LMX1A: variants seen among roughly 807,000 people sequenced by gnomAD.
LMX1A encodes LIM homeobox transcription factor 1-alpha.
A neutral mutation model predicts 49.1 loss-of-function variants in LMX1A; 15 were observed. The observed-to-expected ratio is 0.31, with a 90% CI of 0.20 to 0.47. The LOEUF is 0.47. Ranked by LOEUF, LMX1A falls within the 20% of genes least tolerant of loss-of-function variation. LMX1A has a pLI of 1.00. For synonymous variants in LMX1A, 167 were observed against 185.7 expected (o/e 0.90, Z 0.82); for missense variants, 372 against 475.8 (o/e 0.78, Z 2.03).
At chr1:165,345,591 A>G (rs1176780441) in intron 3 of LMX1A, among the ~76,000 whole-genome samples, 1 of 152,214 alleles carries the variant, frequency 6.6e-6, no homozygotes, top group Admixed American at 6.5e-5. Flanking sequence ...AGGCACAGTC[A>G]GAAAGGTTTT....
At chr1:165,339,357 T>C (rs997900559) in intron 3 of LMX1A, among the ~76,000 whole-genome samples, 5 of 152,238 alleles carry the variant, frequency 3.3e-5, no homozygotes, top group Non-Finnish European at 7.3e-5. Flanking sequence ...CTGACAGGCA[T>C]GTGCATAGGC....
intron 3 of LMX1A, among the ~76,000 whole-genome samples, chr1:165,319,073 T>C (rs1023034272): frequency 3.3e-5 from 5 of 149,818 alleles, no homozygotes; most frequent in Non-Finnish European, 7.4e-5. Flanking sequence ...TAGACATTCC[T>C]TAACATGATA....
chr1:165,224,157 C>T (rs1306010155), intron 4 of LMX1A, among the ~76,000 whole-genome samples: 1 of 152,170 alleles, frequency 6.6e-6, no homozygotes, highest in Non-Finnish European at 1.5e-5. Flanking sequence ...CCTCTCTCCT[C>T]TTTCTCTTGC....
Position 165,249,572 on chromosome 1 carries a change from T to G in LMX1A, c.332A>C (p.Gln111Pro). The stretch of plus-strand genomic sequence containing the variant: ...GCAGCTCAGGTGGTATACACTCTTC[T>G]GGGCCCGCATAACAAACTCATTGGG... ...IAPNEFVMRA[Q>P]KSVYHLSCFC... is the part of the protein sequence containing the mutation. Residue 111 changes from glutamine (Q) to proline (P), a missense_variant, in exon 4 of 9, where the codon CAG becomes CCG. Physicochemically the swap from Gln to Pro is moderately conservative, Grantham distance 76. Coordinates refer to ENST00000342310, the MANE Select transcript of LMX1A (RefSeq NM_177398.4). The G allele has an allele frequency of 1.2e-6, 2 of 1,614,156 alleles. No individual in the cohort carries two copies. The highest frequency in any genetic ancestry group is 1.7e-6 in the Non-Finnish European group (2 of 1,180,014).
In LMX1A at chr1:165,277,607, G is replaced by A. The variant is rs151123275; in HGVS notation, c.264-27967C>T. On this transcript the variant is annotated intron_variant, in intron 3 of 8. Transcript: ENST00000342310. ...CTGACTGCCAGGAAAACCCAAGTCC[G>A]TCTTTACTCTACCAGCCCTCTCTGG... is the stretch of plus-strand genomic sequence containing the variant. 6.8e-4 allele frequency among the ~76,000 whole-genome samples: 103 copies of A among 152,288 alleles called. No individual in the cohort carries two copies. In the East Asian group the frequency reaches 9.5e-3, roughly 14 times the overall value.
chr1:165,286,777 T>C (rs7540476), intron 3 of LMX1A, among the ~76,000 whole-genome samples: 59,933 of 117,532 alleles, frequency 0.51, 11,915 homozygotes, highest in Admixed American at 0.55. Flanking sequence ...CCAGCCTACT[T>C]GGCTCTGAAA....
chr1:165,263,547 C>T (rs1450457375), intron 3 of LMX1A, among the ~76,000 whole-genome samples: 1 of 152,180 alleles, frequency 6.6e-6, no homozygotes, highest in Non-Finnish European at 1.5e-5. Flanking sequence ...CTCACAGCTC[C>T]CACTATAGTC....
intron 3 of LMX1A, among the ~76,000 whole-genome samples, chr1:165,345,110 A>G (rs903151071): frequency 2.0e-5 from 3 of 152,256 alleles, no homozygotes; most frequent in Admixed American, 1.3e-4. Flanking sequence ...CAGGAGCCCA[A>G]CATTTTGGTA....
chr1:165,337,056 CT>C (rs1381083802), intron 3 of LMX1A, among the ~76,000 whole-genome samples: 4 of 152,234 alleles, frequency 2.6e-5, no homozygotes, highest in South Asian at 4.2e-4. Context: ...TTGTGGATAT[CT>C]GGAGAAATGT....
chr1:165,318,997 T>TCACACA (rs1313919903), intron 3 of LMX1A, among the ~76,000 whole-genome samples: 9 of 67,736 alleles, frequency 1.3e-4, no homozygotes, highest in African/African-American at 4.3e-4. Flanking sequence ...TCTCTCTCTC[T>TCACACA]CTCACACACA....
intron 3 of LMX1A, among the ~76,000 whole-genome samples, chr1:165,254,135 A>G (rs1269042911): frequency 6.6e-6 from 1 of 152,214 alleles, no homozygotes; most frequent in Non-Finnish European, 1.5e-5. Context: ...GGGAGTCAAC[A>G]AGCACTTGAG....
intron 4 of LMX1A, among the ~76,000 whole-genome samples, chr1:165,227,915 C>T (rs974456901): frequency 1.3e-5 from 2 of 152,052 alleles, no homozygotes; most frequent in African/African-American, 4.8e-5. Context: ...CAGATAATTA[C>T]AATATCATTT....
At chr1:165,234,793 T>A (rs1652369024) in intron 4 of LMX1A, among the ~76,000 whole-genome samples, 1 of 152,146 alleles carries the variant, frequency 6.6e-6, no homozygotes, top group Admixed American at 6.5e-5. Flanking sequence ...CTAGTGAGGA[T>A]TTTCTGCTTA....
At position 165,210,937 on chromosome 1, in the gene LMX1A, C is replaced by T. The variant is rs181684163; in HGVS notation, c.670-161G>A. 1,270 of 429,884 alleles carry T rather than the reference C, an allele frequency of 3.0e-3. 7 individuals carry two copies. The highest frequency in any genetic ancestry group is 4.4e-3 in the Middle Eastern group (8 of 1,832). 26.6% of individuals were successfully genotyped at this position (429,884 alleles called of 1,614,324 possible). A position where few individuals can be genotyped will look rare whatever the true frequency, so the allele number is the denominator to read the frequency against. ...ACACACAAACACGAGAACATTGCTT[C>T]CCTTCAGGTAGAAAGAAAGTCCTTC... On this transcript the variant is annotated intron_variant, in intron 5 of 8. Transcript: ENST00000342310.
At chr1:165,221,963 GCTTT>G (rs1651868205) in intron 4 of LMX1A, among the ~76,000 whole-genome samples, 1 of 147,216 alleles carries the variant, frequency 6.8e-6, no homozygotes, top group Non-Finnish European at 1.5e-5. Context: ...ACACACACAC[GCTTT>G]CTCTCTCTCT....
chr1:165,293,273 T>C (rs897500322), intron 3 of LMX1A, among the ~76,000 whole-genome samples: 1 of 152,176 alleles, frequency 6.6e-6, no homozygotes, highest in Admixed American at 6.5e-5. Context: ...TCATGGGCCA[T>C]ATAGACAGTG....
chr1:165,274,239 C>A (rs1653897467), intron 3 of LMX1A, among the ~76,000 whole-genome samples: 2 of 152,212 alleles, frequency 1.3e-5, no homozygotes, highest in Admixed American at 6.5e-5. Flanking sequence ...AATACCTCTA[C>A]ACACGTATGT....
chr1:165,257,512 A>G (rs140861328), intron 3 of LMX1A, among the ~76,000 whole-genome samples: 2 of 152,314 alleles, frequency 1.3e-5, no homozygotes, highest in East Asian at 3.9e-4. Flanking sequence ...TTTCTGAAAG[A>G]GGCCTACCCT....
chr1:165,243,068 G>A (rs1652717722), intron 4 of LMX1A, among the ~76,000 whole-genome samples: 6 of 152,084 alleles, frequency 3.9e-5, no homozygotes, highest in Admixed American at 3.9e-4. Context: ...TTCAGTTGAG[G>A]GTTATACCAA....
Sources: gnomAD v4.1 joint callset for allele counts (sites outside exome capture counted in the v4.1 genomes callset) on GRCh38, gnomAD v4.1.1 for gene constraint, MANE v1.5 for transcripts, NCBI Gene and HGNC (gene_info 2026-07-23, HGNC 2026-07-21) for gene names.